KIF6: variants seen among roughly 807,000 people sequenced by gnomAD.
KIF6 encodes the protein kinesin family member 6.
Under a neutral mutation model 112.7 loss-of-function variants are expected in KIF6, and 106 were observed. The ratio of observed to expected loss-of-function variants is 0.94; its 90% CI spans 0.80 to 1.11. KIF6 has a LOEUF of 1.11. Ranked by LOEUF, KIF6 falls within the 50% of genes least tolerant of loss-of-function variation. The pLI is 0.00. For missense variants in KIF6, 929 were observed against 964.0 expected (o/e 0.96, Z 0.48); for synonymous variants, 339 against 339.9 (o/e 1.00, Z 0.03).
chr6:39,366,871 C>T (rs1032797683), intron 16 of KIF6, among the ~76,000 whole-genome samples: 1 of 151,468 alleles, frequency 6.6e-6, no homozygotes, highest in Non-Finnish European at 1.5e-5. Context: ...TCGATCTATT[C>T]CTTTGAAAGC....
intron 10 of KIF6, among the ~76,000 whole-genome samples, chr6:39,569,212 A>T (rs576733126): frequency 1.9e-4 from 29 of 152,336 alleles, no homozygotes; most frequent in African/African-American, 7.0e-4. Context: ...ATAAAGCACT[A>T]TTGGTCCAGA....
intron 19 of KIF6, among the ~76,000 whole-genome samples, chr6:39,356,877 C>T (rs578052556): frequency 6.6e-5 from 10 of 152,262 alleles, no homozygotes; most frequent in African/African-American, 2.2e-4. Flanking sequence ...CTGGCTAGGA[C>T]GAAGAGCTCC....
In KIF6 at chr6:39,448,364, A is replaced by G. The variant is rs1033114449; in HGVS notation, c.1646-17203T>C. On this transcript the variant is annotated intron_variant, in intron 13 of 22. Transcript: ENST00000287152. ...TGATTTTTGTAGTTTTCATAGAGAC[A>G]GGGTTTCACGATGTTGGCCAGGCTG... 3.9e-5 allele frequency among the ~76,000 whole-genome samples: 6 copies of G among 152,082 alleles called. No individual in the cohort carries two copies. The South Asian group carries it at 1.0e-3, about 26-fold the overall frequency.
intron 19 of KIF6, among the ~76,000 whole-genome samples, chr6:39,352,614 T>C (rs1046063384): frequency 1.3e-5 from 2 of 151,932 alleles, no homozygotes. Context: ...CTCTTTTTTT[T>C]TTTTTTTGAG....
intron 3 of KIF6, among the ~76,000 whole-genome samples, chr6:39,661,847 A>G (rs1486824993): frequency 1.3e-5 from 2 of 152,208 alleles, no homozygotes; most frequent in East Asian, 3.8e-4. Flanking sequence ...ACCAGGAGCC[A>G]TCTTTGAAAA....
At position 39,342,848 on chromosome 6, in the gene KIF6, A is replaced by G. The variant is rs1433083377; in HGVS notation, c.2428+861T>C. ...TCCATGCACAAACCTCTTCCTGCCC[A>G]AACTGCACACGGCTGGTGGAGAAGC... is the stretch of plus-strand genomic sequence containing the variant. On this transcript the variant is annotated intron_variant, in intron 22 of 22. Transcript: ENST00000287152. This position sits in a 1 kb window ranked among gnomAD's most constrained non-coding sequence, Gnocchi z 4.7. 1 of 985,268 alleles carries G rather than the reference A, an allele frequency of 1.0e-6. No homozygotes were observed. The highest frequency in any genetic ancestry group is 1.1e-4 in the East Asian group (1 of 8,828). 61.0% of individuals were successfully genotyped at this position (985,268 alleles called of 1,614,324 possible).
At chr6:39,480,017 C>T (rs1774696571) in intron 13 of KIF6, among the ~76,000 whole-genome samples, 1 of 152,184 alleles carries the variant, frequency 6.6e-6, no homozygotes, top group Non-Finnish European at 1.5e-5. Context: ...TTCACTTCCT[C>T]TTTATCAATT....
At chr6:39,417,033 A>G (rs1206954715) in intron 15 of KIF6, among the ~76,000 whole-genome samples, 1 of 151,982 alleles carries the variant, frequency 6.6e-6, no homozygotes, top group Non-Finnish European at 1.5e-5. Flanking sequence ...TCACTGAAGG[A>G]CTCCTTGGGG....
chr6:39,457,934 C>T (rs1330576246), intron 13 of KIF6, among the ~76,000 whole-genome samples: 1 of 150,266 alleles, frequency 6.7e-6, no homozygotes, highest in Non-Finnish European at 1.5e-5. Context: ...CCGAATTCTA[C>T]CAGAGGTACA....
chr6:39,434,282 G>T (rs1771364468), intron 13 of KIF6, among the ~76,000 whole-genome samples: 1 of 152,072 alleles, frequency 6.6e-6, no homozygotes, highest in Non-Finnish European at 1.5e-5. Flanking sequence ...AATGAAAAAT[G>T]GCAGGGCGCA....
chr6:39,391,282 G>A (rs1237321234), intron 15 of KIF6, among the ~76,000 whole-genome samples: 3 of 152,182 alleles, frequency 2.0e-5, no homozygotes, highest in Admixed American at 6.5e-5. Flanking sequence ...CTAAAACAGC[G>A]CCATGCGGAA....
intron 3 of KIF6, among the ~76,000 whole-genome samples, chr6:39,708,956 T>A (rs1313430889): frequency 2.0e-5 from 3 of 151,528 alleles, no homozygotes; most frequent in Admixed American, 2.0e-4. Context: ...TAGACATTTG[T>A]AGACTTCTTA....
chr6:39,581,065 T>C (rs1049409822), intron 9 of KIF6, among the ~76,000 whole-genome samples: 10 of 152,110 alleles, frequency 6.6e-5, no homozygotes, highest in African/African-American at 2.4e-4. Flanking sequence ...CTTTCATCCT[T>C]TCTGGAATAT....
chr6:39,591,093 G>A (rs1253369684), intron 7 of KIF6, among the ~76,000 whole-genome samples: 2 of 152,152 alleles, frequency 1.3e-5, no homozygotes, highest in East Asian at 1.9e-4. Flanking sequence ...CTGAGGTTCA[G>A]TAGGCATGAG....
Position 39,391,327 on chromosome 6 carries a change from G to A in KIF6, c.1811-5655C>T, listed in dbSNP as rs765033531. ...AGTCTGGCACATTGTTTGAGGCTGC[G>A]GGTTGAAGTGAGGCTCCCTACCACC... On this transcript the variant is annotated intron_variant, in intron 15 of 22. Transcript: ENST00000287152. 3.9e-5 allele frequency among the ~76,000 whole-genome samples: 6 copies of A among 152,164 alleles called. 1 individual carries two copies. Among genetic ancestry groups the A allele is most frequent in the Middle Eastern group, 6.3e-3 (2 of 316 alleles).
At chr6:39,690,288 T>C (rs1159116014) in intron 3 of KIF6, 1 of 152,124 alleles carries the variant, frequency 6.6e-6, no homozygotes, top group East Asian at 1.9e-4. Context: ...TGGTAGGCAC[T>C]GATGCAAAGT....
chr6:39,532,543 G>A (rs150623487), intron 13 of KIF6, among the ~76,000 whole-genome samples: 37 of 152,212 alleles, frequency 2.4e-4, no homozygotes, highest in African/African-American at 7.9e-4. Flanking sequence ...CACAATAAGT[G>A]GTAAAAACAG....
chr6:39,370,144 G>A (rs183487466), intron 16 of KIF6, among the ~76,000 whole-genome samples: 40 of 152,284 alleles, frequency 2.6e-4, no homozygotes, highest in Middle Eastern at 6.8e-3. Context: ...TCATGGACTC[G>A]TGGTGACCAT....
At chr6:39,410,920 C>A (rs978663549) in intron 15 of KIF6, among the ~76,000 whole-genome samples, 1 of 152,206 alleles carries the variant, frequency 6.6e-6, no homozygotes, top group African/African-American at 2.4e-5. Context: ...ACATACAAGA[C>A]CTCTTTTCCT....
Sources: gnomAD v4.1 joint callset for allele counts (sites outside exome capture counted in the v4.1 genomes callset) on GRCh38, gnomAD v4.1.1 for gene constraint, Gnocchi (gnomAD v3.1) non-coding constraint, MANE v1.5 for transcripts, NCBI Gene and HGNC (gene_info 2026-07-23, HGNC 2026-07-21) for gene names.